The following METTL14 variants were observed in gnomAD, a reference collection of about 807,000 sequenced individuals.
METTL14 encodes the protein methyltransferase 14, N6-adenosine-methyltransferase non-catalytic subunit.
A neutral mutation model predicts 62.4 loss-of-function variants in METTL14; 32 were observed. The ratio of observed to expected loss-of-function variants is 0.51; its 90% CI spans 0.39 to 0.69. METTL14 has a LOEUF of 0.69. METTL14 is among the 30% of genes least tolerant of loss of function. METTL14 has a pLI of 0.00. For synonymous variants in METTL14, 150 were observed against 180.0 expected, an observed-to-expected ratio of 0.83 and a Z score of 1.34; for missense variants, 340 against 551.9, an observed-to-expected ratio of 0.62 and a Z score of 3.85.
rs563526544 is a variant in METTL14, at chr4:118,711,739, A to G, written c.*1437A>G. On this transcript the variant is annotated 3_prime_UTR_variant, in exon 11 of 11. Transcript: ENST00000388822. ...CCTTTTTTTTTGCTGAAATTATGGT[A>G]TATTTTCAACTTCACTAATTACAAA... 6.6e-6 allele frequency: 1 copy of G among 152,278 alleles called. No individual in the cohort carries two copies. Among genetic ancestry groups the G allele is most frequent in the Non-Finnish European group, 1.5e-5 (1 of 68,016 alleles). The allele number at this position is 152,278 out of a possible 1,614,324, so 9.4% of individuals were successfully genotyped here.
chr4:118,710,900 T>G lies in METTL14; in HGVS notation c.*598T>G, dbSNP rs1346163709. On this transcript the variant is annotated 3_prime_UTR_variant, in exon 11 of 11. Coordinates refer to ENST00000388822, the MANE Select transcript of METTL14 (RefSeq NM_020961.4). ...TTCCAGGGGTGGGTGAAAGAAGAGA[T>G]AGAACTTAGCAGGCAGACTTAAAAA... is the stretch of plus-strand genomic sequence containing the variant. The G allele has an allele frequency of 1.3e-5, 2 of 149,716 alleles. No individual in the cohort carries two copies. The highest frequency in any genetic ancestry group is 2.0e-4 in the East Asian group (1 of 5,098). The allele number at this position is 149,716 out of a possible 1,614,324, so 9.3% of individuals were successfully genotyped here.
In METTL14 at chr4:118,710,220, A is replaced by G. The variant is rs757944579; in HGVS notation, c.1289A>G (p.Asn430Ser). 9 of 1,614,100 alleles carry G rather than the reference A, an allele frequency of 5.6e-6. No individual in the cohort carries two copies. In the South Asian group the frequency reaches 6.6e-5, roughly 12 times the overall value. The change falls in exon 11 of 11, where the codon AAT (asparagine) becomes AGT (serine). Residue 430 changes from asparagine (N) to serine (S), a missense_variant. Around this residue, in one of 7 missense-constraint regions of METTL14, gnomAD observed 44 missense variants for 56.4 expected, o/e 0.78. Transcript: ENST00000388822. The stretch of plus-strand genomic sequence containing the variant: ...TCTGCTGGCCGTGGACGAGAAAGAA[A>G]TAGATCTAACTTCCGAGGAGAAAGA... ...GTSAGRGRER[N>S]RSNFRGERGG...
intron 10 of METTL14, among the ~76,000 whole-genome samples, chr4:118,707,100 T>C (rs1296944083): frequency 6.6e-6 from 1 of 152,200 alleles, no homozygotes; most frequent in Non-Finnish European, 1.5e-5. Context: ...CTTTCTAGTT[T>C]CTTTGGATTT....
chr4:118,685,576 A>G lies in METTL14; in HGVS notation c.42A>G (p.Leu14=). ...AGGAGATCCGGGAGCGGCAGAAGTT[A>G]CGGCGACAGCTCCTCGCGCAGCAGG... ...RLQEIRERQK[L]RRQLLAQQLG... The change falls in exon 1 of 11, where the codon TTA becomes TTG. Residue 14 remains leucine, a synonymous_variant. Transcript: ENST00000388822. The G allele has an allele frequency of 1.2e-6, 2 of 1,614,076 alleles. No individual in the cohort carries two copies. Among genetic ancestry groups the G allele is most frequent in the Non-Finnish European group, 1.7e-6 (2 of 1,179,990 alleles).
chr4:118,692,342 C>T (rs1166097781), intron 5 of METTL14, among the ~76,000 whole-genome samples: 3 of 151,594 alleles, frequency 2.0e-5, no homozygotes, highest in Non-Finnish European at 4.4e-5. Flanking sequence ...GATTCTCCTG[C>T]CTCAGCCTCC....
At position 118,714,140 on chromosome 4, in the gene METTL14, G is replaced by A. The variant is rs1312717132; in HGVS notation, c.*3838G>A. 1 of 152,212 alleles carries A rather than the reference G, an allele frequency of 6.6e-6. No individual in the cohort carries two copies. Among genetic ancestry groups the A allele is most frequent in the African/African-American group, 2.4e-5 (1 of 41,452 alleles). 9.4% of individuals were successfully genotyped at this position (152,212 alleles called of 1,614,324 possible). ...TATGGGACTCTATATTAATAGAGAA[G>A]CAGGCCAAGAACTTTTTAATGGGAT... On this transcript the variant is annotated 3_prime_UTR_variant, in exon 11 of 11. Transcript: ENST00000388822.
rs28854838 is a variant in METTL14 at position 118,693,090 on chromosome 4, C to T, written c.412+1022C>T. 7.0e-3 allele frequency among the ~76,000 whole-genome samples: 1,068 copies of T among 152,220 alleles called. 13 individuals carry two copies. The highest frequency in any genetic ancestry group is 0.024 in the African/African-American group (981 of 41,520). On this transcript the variant is annotated intron_variant, in intron 5 of 10. Coordinates refer to ENST00000388822, the MANE Select transcript of METTL14 (RefSeq NM_020961.4). Reference sequence around the variant, plus strand: ...TCTCTTGTGTTTCCAAGCAGCTGCACGATTTTACATTTTTACTAACAACGT... The same window carrying T: ...TCTCTTGTGTTTCCAAGCAGCTGCATGATTTTACATTTTTACTAACAACGT...
At chr4:118,708,283 T>A (rs537783553) in intron 10 of METTL14, among the ~76,000 whole-genome samples, 1 of 152,346 alleles carries the variant, frequency 6.6e-6, no homozygotes, top group African/African-American at 2.4e-5. Context: ...AGAGACAGTA[T>A]AGCAAGGGAG....
At chr4:118,707,033 T>C (rs1233461212) in intron 10 of METTL14, among the ~76,000 whole-genome samples, 2 of 152,192 alleles carry the variant, frequency 1.3e-5, no homozygotes, top group African/African-American at 4.8e-5. Flanking sequence ...GTGACTGTCT[T>C]CTCACTGCCT....
chr4:118,704,818 A>G (rs1724706167), intron 9 of METTL14, among the ~76,000 whole-genome samples: 1 of 152,178 alleles, frequency 6.6e-6, no homozygotes, highest in African/African-American at 2.4e-5. Flanking sequence ...GTTCTAGCAA[A>G]TGATCTAACC....
Position 118,711,075 on chromosome 4 carries a change from C to G in METTL14, c.*773C>G, listed in dbSNP as rs1187978539. ...GATTGACCTTAAATTTTATATTCCTCAAATAAAAGAGAGGCAGCGACAAGA... is the reference window on the plus strand; with the variant it reads ...GATTGACCTTAAATTTTATATTCCTGAAATAAAAGAGAGGCAGCGACAAGA... On this transcript the variant is annotated 3_prime_UTR_variant, in exon 11 of 11. Coordinates refer to ENST00000388822, the MANE Select transcript of METTL14 (RefSeq NM_020961.4). 6.6e-6 allele frequency: 1 copy of G among 152,058 alleles called. No individual in the cohort carries two copies. Among genetic ancestry groups the G allele is most frequent in the Non-Finnish European group, 1.5e-5 (1 of 68,026 alleles). The allele number at this position is 152,058 out of a possible 1,614,324, so 9.4% of individuals were successfully genotyped here. A position where few individuals can be genotyped will look rare whatever the true frequency, so the allele number is the denominator to read the frequency against.
chr4:118,688,043 T>TG (rs776786178), intron 2 of METTL14, 32 bp downstream of exon 2: 1 of 1,488,676 alleles, frequency 6.7e-7, no homozygotes, highest in African/African-American at 1.4e-5. Flanking sequence ...TTTTTTTTTT[T>TG]TGAGACAGGG....
intron 8 of METTL14, among the ~76,000 whole-genome samples, chr4:118,701,376 A>C (rs1463118090): frequency 6.6e-6 from 1 of 151,344 alleles, no homozygotes; most frequent in African/African-American, 2.4e-5. Flanking sequence ...TGTAGAGATG[A>C]GGTCTTGTTA....
chr4:118,686,765 A>G (rs1406021230), intron 1 of METTL14: 1 of 404,330 alleles, frequency 2.5e-6, no homozygotes, highest in East Asian at 7.2e-5. Context: ...TCAAACTTCT[A>G]TTTGACTCAA....
rs1724969723 is a variant in METTL14 at position 118,713,071 on chromosome 4, G to A, written c.*2769G>A. ...AAACAGCACAGTGTGAGAGGTCAAG[G>A]TGTCAACCTGGGAAGTGAGAATCAA... On this transcript the variant is annotated 3_prime_UTR_variant, in exon 11 of 11. Transcript: ENST00000388822. 1 of 152,144 alleles carries A rather than the reference G, an allele frequency of 6.6e-6. No individual in the cohort carries two copies. The highest frequency in any genetic ancestry group is 1.5e-5 in the Non-Finnish European group (1 of 68,062). 9.4% of individuals were successfully genotyped at this position (152,144 alleles called of 1,614,324 possible).
At chr4:118,686,913 G>T (rs1333523285) in intron 1 of METTL14, among the ~76,000 whole-genome samples, 1 of 152,086 alleles carries the variant, frequency 6.6e-6, no homozygotes, top group Non-Finnish European at 1.5e-5. Flanking sequence ...ACATTTGTTT[G>T]TATTTTGCAA....
chr4:118,697,199 T>C lies in METTL14; in HGVS notation c.521T>C (p.Ile174Thr). The change falls in exon 7 of 11, where the codon ATA (isoleucine) becomes ACA (threonine). Residue 174 changes from isoleucine to threonine, a missense_variant. Physicochemically the swap from Ile to Thr is moderately conservative, Grantham distance 89 (BLOSUM62 -1). Coordinates refer to ENST00000388822, the MANE Select transcript of METTL14 (RefSeq NM_020961.4). ...NTPPMYLQAD[I>T]EAFDIRELTP... ...TCAAATAGGTACTTACAAGCCGATATAGAAGCCTTTGACATCAGAGAACTA... is the reference window on the plus strand; with the variant it reads ...TCAAATAGGTACTTACAAGCCGATACAGAAGCCTTTGACATCAGAGAACTA... 2 of 1,606,414 alleles carry C rather than the reference T, an allele frequency of 1.2e-6. No homozygotes were observed. The highest frequency in any genetic ancestry group is 1.7e-6 in the Non-Finnish European group (2 of 1,177,870).
At chr4:118,708,943 T>C (rs186409019) in intron 10 of METTL14, among the ~76,000 whole-genome samples, 58 of 152,322 alleles carry the variant, frequency 3.8e-4, no homozygotes, top group African/African-American at 1.3e-3. Flanking sequence ...CCTTCCATTC[T>C]AAAGACAGTT....
At position 118,715,426 on chromosome 4, in the gene METTL14, TGTA is replaced by T. The variant is rs1459610052; in HGVS notation, c.*5125_*5127del. ...ACCTTAATAATAAAAAGATTTTTAA[TGTA>T]ATAATATTGCTCATAATTCATGAAA... On this transcript the variant is annotated 3_prime_UTR_variant, in exon 11 of 11. Coordinates refer to ENST00000388822, the MANE Select transcript of METTL14 (RefSeq NM_020961.4). 1 of 152,198 alleles carries T rather than the reference TGTA, an allele frequency of 6.6e-6. No homozygotes were observed. The highest frequency in any genetic ancestry group is 2.4e-5 in the African/African-American group (1 of 41,440). 9.4% of individuals were successfully genotyped at this position (152,198 alleles called of 1,614,324 possible).
Sources: allele counts gnomAD v4.1 joint callset (sites outside exome capture counted in the v4.1 genomes callset), GRCh38; gene constraint gnomAD v4.1.1; regional missense constraint gnomAD v4.1.1; transcripts MANE v1.5; gene names NCBI Gene and HGNC (gene_info 2026-07-23, HGNC 2026-07-21).